Variants in ST7L observed in about 807,000 individuals in gnomAD.
The protein encoded by ST7L is suppressor of tumorigenicity 7 protein-like.
ST7L carries 57 observed loss-of-function variants against 72.5 expected under a neutral mutation model. The observed-to-expected ratio is 0.79, with a 90% CI of 0.64 to 0.98. The LOEUF (loss-of-function observed/expected upper bound fraction) is 0.98, where lower values mean the gene tolerates loss of function less well. ST7L is among the 50% of genes least tolerant of loss of function. ST7L has a pLI of 0.00. For synonymous variants in ST7L, 221 were observed against 240.9 expected (o/e 0.92, Z 0.77); for missense variants, 576 against 672.2 (o/e 0.86, Z 1.58).
downstream of ST7L, chr1:112,520,280 G>C: frequency 6.2e-7 from 1 of 1,613,510 alleles, no homozygotes. Context: ...CCCAACCCAG[G>C]TTCCCTAGGC....
At chr1:112,544,695 T>C (rs1185931583) in intron 13 of ST7L, among the ~76,000 whole-genome samples, 1 of 152,278 alleles carries the variant, frequency 6.6e-6, no homozygotes, top group African/African-American at 2.4e-5. Flanking sequence ...TAATTTATAT[T>C]AGCTCATTTA....
intron 10 of ST7L, among the ~76,000 whole-genome samples, chr1:112,577,620 T>C (rs1244636589): frequency 5.3e-5 from 8 of 151,318 alleles, no homozygotes; most frequent in African/African-American, 1.9e-4. Context: ...TCTTCAAACT[T>C]AGGTAAAGAA....
intron 4 of ST7L, among the ~76,000 whole-genome samples, chr1:112,599,127 TAC>T (rs71084480): frequency 0.19 from 19,516 of 103,534 alleles, 2,549 homozygotes; most frequent in African/African-American, 0.34. Flanking sequence ...TGTGTGTGTA[TAC>T]ACACACACAC....
At chr1:112,619,145 A>G (rs898771054), upstream of ST7L, 2 of 1,605,148 alleles carry the variant, frequency 1.2e-6, no homozygotes, top group Non-Finnish European at 8.5e-7. Context: ...AGGAGCTGGG[A>G]GGGGAGAAGG....
intron 13 of ST7L, among the ~76,000 whole-genome samples, chr1:112,544,144 G>A (rs1296254367): frequency 6.6e-6 from 1 of 152,084 alleles, no homozygotes; most frequent in African/African-American, 2.4e-5. Flanking sequence ...AGCTATTCTG[G>A]GACTTCATTA....
At chr1:112,546,830 T>C (rs945721307) in intron 13 of ST7L, among the ~76,000 whole-genome samples, 1 of 151,864 alleles carries the variant, frequency 6.6e-6, no homozygotes, top group African/African-American at 2.4e-5. Context: ...CTTCATAATA[T>C]ACATTATATA....
rs756681527 is a variant in ST7L at position 112,556,006 on chromosome 1, T to C, written c.1258A>G (p.Met420Val). 1.1e-5 allele frequency: 18 copies of C among 1,601,686 alleles called. No individual in the cohort carries two copies. The highest frequency in any genetic ancestry group is 1.7e-4 in the Middle Eastern group (1 of 6,004). Residue 420 changes from methionine (M) to valine (V), a missense_variant, in exon 12 of 15, where the codon ATG becomes GTG. Met to Val is a conservative substitution (Grantham distance 21, BLOSUM62 1). Around this residue, in one of 3 missense-constraint regions of ST7L, gnomAD observed 511 missense variants for 600.7 expected, o/e 0.85. Transcript: ENST00000358039. ...TCTGGAGGTAAAATTAAACTTTTCA[T>C]CTCTAATAAATACTGAAAGAGTAAC... ...NPHVPKYLLE[M>V]KSLILPPEHI... is the part of the protein sequence containing the mutation.
chr1:112,542,770 AAT>A, intron 13 of ST7L, among the ~76,000 whole-genome samples: 1 of 151,108 alleles, frequency 6.6e-6, no homozygotes, highest in South Asian at 2.1e-4. Context: ...TAAATAAATA[AAT>A]AAATAAATAA....
intron 5 of ST7L, 48 bp downstream of exon 5, chr1:112,597,923 A>G (rs747970020): frequency 7.2e-7 from 1 of 1,394,562 alleles, no homozygotes; most frequent in South Asian, 1.3e-5. Context: ...AACTTTTAAG[A>G]TGATCTTCAT....
intron 11 of ST7L, among the ~76,000 whole-genome samples, chr1:112,557,526 T>A (rs1327488686): frequency 1.3e-5 from 2 of 152,250 alleles, no homozygotes; most frequent in African/African-American, 4.8e-5. Context: ...AGCTTTCGGC[T>A]ATTATGAATA....
chr1:112,547,255 C>T (rs1374670066), intron 13 of ST7L, among the ~76,000 whole-genome samples: 1 of 149,776 alleles, frequency 6.7e-6, no homozygotes, highest in East Asian at 2.0e-4. Context: ...TGCAGTGGCA[C>T]GATCTCGGCT....
chr1:112,597,915 C>T (rs1666720976), intron 5 of ST7L, 56 bp downstream of exon 5: 1 of 1,355,804 alleles, frequency 7.4e-7, no homozygotes, highest in Non-Finnish European at 1.0e-6. Flanking sequence ...CTCTAAAGAA[C>T]TTTTAAGATG....
chr1:112,591,195 T>C (rs1665668585), intron 6 of ST7L, among the ~76,000 whole-genome samples: 1 of 152,138 alleles, frequency 6.6e-6, no homozygotes, highest in South Asian at 2.1e-4. Context: ...CCTCCCAAAG[T>C]GCTGGGATTA....
At chr1:112,547,118 C>T (rs1343521260) in intron 13 of ST7L, among the ~76,000 whole-genome samples, 2 of 151,912 alleles carry the variant, frequency 1.3e-5, no homozygotes, top group African/African-American at 2.4e-5. Flanking sequence ...CTCCAAGTCA[C>T]CGAAGTCAGA....
chr1:112,619,315 C>T (rs150914503), upstream of ST7L: 1 of 607,986 alleles, frequency 1.6e-6, no homozygotes, highest in Non-Finnish European at 2.9e-6. Context: ...AGGGAAGGGG[C>T]GGACAGCAGC....
chr1:112,614,298 T>C (rs1257928387), intron 2 of ST7L, among the ~76,000 whole-genome samples: 1 of 152,150 alleles, frequency 6.6e-6, no homozygotes, highest in Non-Finnish European at 1.5e-5. Context: ...CCCAGGCTGG[T>C]CTCAAACTTC....
intron 5 of ST7L, among the ~76,000 whole-genome samples, chr1:112,593,289 T>A (rs1004952997): frequency 1.3e-5 from 2 of 152,174 alleles, no homozygotes; most frequent in Non-Finnish European, 2.9e-5. Context: ...ATGTATATAT[T>A]TTTTTCTAAA....
At chr1:112,599,072 AAATATATATATATATATATAT>A (rs1558040450) in intron 4 of ST7L, among the ~76,000 whole-genome samples, 2 of 57,294 alleles carry the variant, frequency 3.5e-5, no homozygotes, top group African/African-American at 1.5e-4. Context: ...AAAAAAAAAA[AAATATATATATATATATATAT>A]ATATATATAT....
chr1:112,548,283 G>C (rs1387866386), intron 13 of ST7L, among the ~76,000 whole-genome samples: 1 of 152,066 alleles, frequency 6.6e-6, no homozygotes, highest in Non-Finnish European at 1.5e-5. Flanking sequence ...ACTTGAACCT[G>C]GGAAGCAGAG....
Sources: gnomAD v4.1 joint callset for allele counts (sites outside exome capture counted in the v4.1 genomes callset) on GRCh38, gnomAD v4.1.1 for gene constraint, gnomAD v4.1.1 regional missense constraint, MANE v1.5 for transcripts, NCBI Gene and HGNC (gene_info 2026-07-23, HGNC 2026-07-21) for gene names.